The following ST13 variants were observed in gnomAD, a reference collection of about 807,000 sequenced individuals.
ST13 encodes the protein hsc70-interacting protein.
A neutral mutation model predicts 56.7 loss-of-function variants in ST13; 23 were observed. That is an observed-to-expected ratio of 0.41 (90% CI 0.29 to 0.57). The LOEUF is 0.57. Among genes scored for constraint, ST13 ranks in the 20% least tolerant of loss-of-function variants. The pLI is 0.36. For synonymous variants in ST13, 132 were observed against 142.4 expected (o/e 0.93, Z 0.52); for missense variants, 369 against 459.9 (o/e 0.80, Z 1.81).
Position 40,856,120 on chromosome 22 carries a change from TAA to T in ST13, c.110+309_110+310del, listed in dbSNP as rs199519199. ...AAGAAAAACAACCCCACGCAAAATC[TAA>T]GTCTTGCAGTTTTCACTCCTCGCGT... On this transcript the variant is annotated intron_variant, in intron 1 of 11. Coordinates refer to ENST00000216218, the MANE Select transcript of ST13 (RefSeq NM_003932.5). Among the ~76,000 whole-genome samples the T allele has an allele frequency of 6.2e-4, 94 of 152,262 alleles. 1 individual carries two copies. In the East Asian group the frequency reaches 0.017, roughly 28 times the overall value.
intron 4 of ST13, among the ~76,000 whole-genome samples, chr22:40,841,198 A>G (rs895877134): frequency 1.1e-4 from 16 of 147,696 alleles, no homozygotes; most frequent in African/African-American, 3.9e-4. Context: ...TCTCTCCAAA[A>G]AAAAGAAAAA....
rs944194011 is a variant in ST13, at chr22:40,846,174, G to T, written c.245-1265C>A. Among the ~76,000 whole-genome samples the T allele has an allele frequency of 2.0e-5, 3 of 151,806 alleles. No homozygotes were observed. In the East Asian group the frequency reaches 5.8e-4, roughly 29 times the overall value. ...TGGTCTCCAACTCCCGACCTCAGGT[G>T]GTCCACCCGCCTCAGCCTCCCAAAG... On this transcript the variant is annotated intron_variant, in intron 3 of 11. Transcript: ENST00000216218.
At chr22:40,835,218 C>T (rs1388837920) in intron 7 of ST13, among the ~76,000 whole-genome samples, 1 of 152,106 alleles carries the variant, frequency 6.6e-6, no homozygotes, top group African/African-American at 2.4e-5. Flanking sequence ...GATAAAAGAT[C>T]ATTCTTTCTT....
intron 7 of ST13, 69 bp from the exon 8 acceptor site, chr22:40,832,740 T>A (rs371823944): frequency 1.7e-6 from 2 of 1,198,854 alleles, no homozygotes; most frequent in Non-Finnish European, 2.4e-6. Flanking sequence ...GATATCTTTC[T>A]TCCTTACAAA....
rs2057751249 is a variant in ST13, at chr22:40,830,967, G to A, written c.682-11C>T. 1 of 1,571,970 alleles carries A rather than the reference G, an allele frequency of 6.4e-7. No individual in the cohort carries two copies. Among genetic ancestry groups the A allele is most frequent in the Non-Finnish European group, 8.7e-7 (1 of 1,155,828 alleles). ...TGCAATTTTCTGTGCCTAGAAAAAA[G>A]AGCCATAGCAAAATAAGCTTGCTCC... On this transcript the variant is annotated splice_polypyrimidine_tract_variant and intron_variant, in intron 8 of 11. Coordinates refer to ENST00000216218, the MANE Select transcript of ST13 (RefSeq NM_003932.5).
intron 7 of ST13, among the ~76,000 whole-genome samples, chr22:40,834,104 C>T (rs2057766508): frequency 6.6e-6 from 1 of 151,992 alleles, no homozygotes; most frequent in African/African-American, 2.4e-5. Context: ...GGCGAAACCC[C>T]CTCTCTACCA....
intron 5 of ST13, among the ~76,000 whole-genome samples, chr22:40,837,563 T>C (rs564561017): frequency 1.3e-5 from 2 of 152,178 alleles, no homozygotes; most frequent in Non-Finnish European, 2.9e-5. Context: ...GGAGAATCGC[T>C]TGAACCCGGG....
At chr22:40,855,046 G>A (rs1289656254) in intron 1 of ST13, among the ~76,000 whole-genome samples, 1 of 152,100 alleles carries the variant, frequency 6.6e-6, no homozygotes, top group Non-Finnish European at 1.5e-5. Context: ...ACTTCTTAGA[G>A]GAAAAAAATA....
chr22:40,850,682 T>C, intron 2 of ST13, 141 bp downstream of exon 2: 3 of 643,168 alleles, frequency 4.7e-6, no homozygotes. Context: ...GTTATAAAGA[T>C]AAAGAGGTCT....
chr22:40,829,901 G>A (rs994941050), intron 9 of ST13, among the ~76,000 whole-genome samples: 4 of 152,034 alleles, frequency 2.6e-5, no homozygotes, highest in Non-Finnish European at 4.4e-5. Flanking sequence ...TTCTACTCTG[G>A]AAACAAGTAA....
intron 8 of ST13, among the ~76,000 whole-genome samples, chr22:40,831,511 G>A (rs2057753931): frequency 6.6e-6 from 1 of 152,280 alleles, no homozygotes; most frequent in Admixed American, 6.5e-5. Flanking sequence ...AAATGCTCTG[G>A]ATGTTATTTC....
chr22:40,831,750 A>G (rs970775868), intron 8 of ST13, among the ~76,000 whole-genome samples: 1 of 152,240 alleles, frequency 6.6e-6, no homozygotes, highest in Non-Finnish European at 1.5e-5. Context: ...TTTACCATGT[A>G]AACACATTAA....
At chr22:40,847,755 A>G (rs1029479958) in intron 3 of ST13, among the ~76,000 whole-genome samples, 3 of 152,062 alleles carry the variant, frequency 2.0e-5, no homozygotes, top group African/African-American at 7.2e-5. Context: ...ATAAATTATT[A>G]ACAAATATTG....
chr22:40,856,063 C>A (rs753319597), intron 1 of ST13, among the ~76,000 whole-genome samples: 2 of 152,058 alleles, frequency 1.3e-5, no homozygotes, highest in Non-Finnish European at 2.9e-5. Context: ...TGCTATGTAC[C>A]AATGAGACCT....
intron 4 of ST13, among the ~76,000 whole-genome samples, chr22:40,841,557 G>A (rs1387881510): frequency 2.0e-5 from 3 of 152,046 alleles, no homozygotes; most frequent in South Asian, 2.1e-4. Flanking sequence ...GCAATATGGC[G>A]AAACTTCGTC....
intron 4 of ST13, 151 bp downstream of exon 4, chr22:40,844,688 G>C: frequency 1.6e-6 from 1 of 624,958 alleles, no homozygotes; most frequent in Non-Finnish European, 2.8e-6. Context: ...AGTATTTTAA[G>C]TAGTAAAATA....
intron 11 of ST13, 135 bp from the exon 12 acceptor site, chr22:40,826,801 A>T: frequency 9.5e-7 from 1 of 1,052,220 alleles, no homozygotes; most frequent in Non-Finnish European, 1.4e-6. Flanking sequence ...TGAGTGCTTG[A>T]AGTATCAAAA....
chr22:40,836,172 C>T (rs966675894), intron 5 of ST13, among the ~76,000 whole-genome samples: 3 of 152,136 alleles, frequency 2.0e-5, no homozygotes, highest in African/African-American at 7.2e-5. Flanking sequence ...AAAAAGTAGA[C>T]GGGCACGGTG....
rs1385546953 is a variant in ST13, at chr22:40,856,605, G to T, written c.-65C>A. On this transcript the variant is annotated 5_prime_UTR_variant, in exon 1 of 12. Coordinates refer to ENST00000216218, the MANE Select transcript of ST13 (RefSeq NM_003932.5). ...CGGTTCCAGGCCCAGGCGCTGGCTC[G>T]GCGTGACCGCGCAGAAGGGGGCGGC... 1.0e-5 allele frequency: 14 copies of T among 1,365,262 alleles called. No individual in the cohort carries two copies. The highest frequency in any genetic ancestry group is 8.6e-5 in the African/African-American group (6 of 70,040). 84.6% of individuals were successfully genotyped at this position (1,365,262 alleles called of 1,614,324 possible). A position where few individuals can be genotyped will look rare whatever the true frequency, so the allele number is the denominator to read the frequency against.
Sources: gnomAD v4.1 joint callset for allele counts (sites outside exome capture counted in the v4.1 genomes callset) on GRCh38, gnomAD v4.1.1 for gene constraint, MANE v1.5 for transcripts, NCBI Gene and HGNC (gene_info 2026-07-23, HGNC 2026-07-21) for gene names.